The following CACNB4 variants were observed in gnomAD, a reference collection of about 807,000 sequenced individuals.
CACNB4 encodes the protein calcium voltage-gated channel auxiliary subunit beta 4.
CACNB4 carries 32 observed loss-of-function variants against 71.2 expected under a neutral mutation model. That is an observed-to-expected ratio of 0.45 (90% confidence interval 0.34 to 0.60). CACNB4 has a LOEUF of 0.60. Ranked by LOEUF, CACNB4 falls within the 20% of genes least tolerant of loss-of-function variation. CACNB4 has a pLI of 0.01. For missense variants in CACNB4, 464 were observed against 647.9 expected, an observed-to-expected ratio of 0.72 and a Z score of 3.08; for synonymous variants, 231 against 236.9, an observed-to-expected ratio of 0.97 and a Z score of 0.23.
intron 2 of CACNB4, among the ~76,000 whole-genome samples, chr2:151,950,058 A>T (rs1416491104): frequency 1.3e-5 from 2 of 151,988 alleles, no homozygotes; most frequent in African/African-American, 2.4e-5. Flanking sequence ...AATAAATAAA[A>T]AATAAAATAA....
At position 152,098,460 on chromosome 2, in the gene CACNB4, G is replaced by T. The variant is rs1358531143; in HGVS notation, c.64-47C>A. The T allele has an allele frequency of 6.5e-7, 1 of 1,542,476 alleles. No individual in the cohort carries two copies. Among genetic ancestry groups the T allele is most frequent in the African/African-American group, 1.4e-5 (1 of 73,650 alleles). On this transcript the variant is annotated intron_variant, in intron 1 of 13. Transcript: ENST00000539935. This position sits in a 1 kb window ranked among gnomAD's most constrained non-coding sequence, Gnocchi z 5.3. ...CAGAGAGAAGCCGGTGAGGACCGCA[G>T]CGCAGAGCGGGGCGACCACCCCCGG...
At position 151,834,674 on chromosome 2, in the gene CACNB4, T is replaced by C. The variant is rs2099834505; in HGVS notation, c.*4445A>G. The C allele has an allele frequency of 6.6e-6, 1 of 152,002 alleles. No individual in the cohort carries two copies. Among genetic ancestry groups the C allele is most frequent in the South Asian group, 2.1e-4 (1 of 4,838 alleles). The allele number at this position is 152,002 out of a possible 1,614,324, so 9.4% of individuals were successfully genotyped here. A position where few individuals can be genotyped will look rare whatever the true frequency, so the allele number is the denominator to read the frequency against. ...AAGTCAAAAAGAAGGTTATCCTTAT[T>C]GTCTGTCTAACAGCTAATTGGATTG... On this transcript the variant is annotated 3_prime_UTR_variant, in exon 14 of 14. Coordinates refer to ENST00000539935, the MANE Select transcript of CACNB4 (RefSeq NM_000726.5).
At chr2:151,975,423 A>G (rs1177527543) in intron 2 of CACNB4, among the ~76,000 whole-genome samples, 2 of 152,190 alleles carry the variant, frequency 1.3e-5, no homozygotes, top group African/African-American at 4.8e-5. Context: ...TACCTAGTCC[A>G]CTGTCAAATA....
At chr2:151,888,849 A>G (rs10178110) in intron 2 of CACNB4, among the ~76,000 whole-genome samples, 33,850 of 152,142 alleles carry the variant, frequency 0.22, 3,998 homozygotes, top group Middle Eastern at 0.39. Flanking sequence ...CATAGTGTAC[A>G]AGAGTAATGC....
In CACNB4 at chr2:151,834,174, G is replaced by C. The variant is rs1376935382; in HGVS notation, c.*4945C>G. 6.6e-6 allele frequency: 1 copy of C among 151,928 alleles called. No homozygotes were observed. Among genetic ancestry groups the C allele is most frequent in the Non-Finnish European group, 1.5e-5 (1 of 67,868 alleles). The allele number at this position is 151,928 out of a possible 1,614,324, so 9.4% of individuals were successfully genotyped here. On this transcript the variant is annotated 3_prime_UTR_variant, in exon 14 of 14. Coordinates refer to ENST00000539935, the MANE Select transcript of CACNB4 (RefSeq NM_000726.5). ...ACTTATCAGGTATTGAAAAGCTAGA[G>C]GCCAGCCACTTCTGGTTCTTAGTTC...
intron 2 of CACNB4, among the ~76,000 whole-genome samples, chr2:151,896,170 T>C (rs1267180989): frequency 6.6e-6 from 1 of 152,196 alleles, no homozygotes; most frequent in Non-Finnish European, 1.5e-5. Context: ...AAAAAGAATA[T>C]TTCCTGTGAG....
chr2:152,073,374 T>C (rs1275215041), intron 2 of CACNB4, among the ~76,000 whole-genome samples: 1 of 152,144 alleles, frequency 6.6e-6, no homozygotes, highest in Non-Finnish European at 1.5e-5. Context: ...CCAAATTCAA[T>C]ATACCTAGAA....
At chr2:151,870,189 C>A in intron 8 of CACNB4, 2 of 679,832 alleles carry the variant, frequency 2.9e-6, no homozygotes, top group South Asian at 3.2e-5. Context: ...TTGTGCTGTT[C>A]ATTCTCTATT....
rs868758158 is a variant in CACNB4, at chr2:151,947,561, T to A, written c.148-64191A>T. On this transcript the variant is annotated intron_variant, in intron 2 of 13. Coordinates refer to ENST00000539935, the MANE Select transcript of CACNB4 (RefSeq NM_000726.5). ...AGTAACTTCAGAAACAGGTCCCAAG[T>A]GGCCTGAGAATGTCTATGCACTTTT... Among the ~76,000 whole-genome samples the A allele has an allele frequency of 3.9e-5, 6 of 152,308 alleles. No homozygotes were observed. The South Asian group carries it at 1.2e-3, about 32-fold the overall frequency.
At chr2:151,951,410 C>A (rs939253397) in intron 2 of CACNB4, among the ~76,000 whole-genome samples, 1 of 152,104 alleles carries the variant, frequency 6.6e-6, no homozygotes, top group East Asian at 1.9e-4. Context: ...GGAAGCCCTC[C>A]AGAGCCAGCA....
At chr2:151,989,474 T>G (rs748999303) in intron 2 of CACNB4, among the ~76,000 whole-genome samples, 1 of 152,212 alleles carries the variant, frequency 6.6e-6, no homozygotes. Flanking sequence ...ACTATTGACC[T>G]TTCTCCCGTT....
chr2:152,014,041 G>A (rs1295843624), intron 2 of CACNB4, among the ~76,000 whole-genome samples: 1 of 152,154 alleles, frequency 6.6e-6, no homozygotes, highest in Non-Finnish European at 1.5e-5. Context: ...AACACTCCAT[G>A]GTCCAAAAGA....
At chr2:152,032,261 C>A (rs563691165) in intron 2 of CACNB4, among the ~76,000 whole-genome samples, 75 of 152,194 alleles carry the variant, frequency 4.9e-4, no homozygotes, top group Non-Finnish European at 9.4e-4. Context: ...AAGAAATTGG[C>A]CTGAGAAGGG....
At chr2:152,095,893 T>G (rs1387149024) in intron 2 of CACNB4, among the ~76,000 whole-genome samples, 2 of 152,156 alleles carry the variant, frequency 1.3e-5, no homozygotes, top group Non-Finnish European at 2.9e-5. Context: ...CCTCAAGTGA[T>G]CCGCCCACCT....
At chr2:151,895,086 T>A in intron 2 of CACNB4, among the ~76,000 whole-genome samples, 1 of 134,404 alleles carries the variant, frequency 7.4e-6, no homozygotes, top group African/African-American at 3.1e-5. Context: ...GAACCAGAAC[T>A]CAAATAGCCC....
chr2:151,895,099 CACACACACACACACA>C (rs2099851702), intron 2 of CACNB4, among the ~76,000 whole-genome samples: 5 of 19,158 alleles, frequency 2.6e-4, no homozygotes, highest in Admixed American at 5.6e-4. Context: ...AATAGCCCCA[CACACACACACACACA>C]CACACACACA....
At chr2:152,045,566 T>C (rs1398599318) in intron 2 of CACNB4, among the ~76,000 whole-genome samples, 1 of 152,102 alleles carries the variant, frequency 6.6e-6, no homozygotes, top group Non-Finnish European at 1.5e-5. Flanking sequence ...CCATTGAATG[T>C]ATACTTAAAA....
At chr2:151,979,291 C>T (rs1201965601) in intron 2 of CACNB4, among the ~76,000 whole-genome samples, 1 of 152,134 alleles carries the variant, frequency 6.6e-6, no homozygotes. Context: ...CTCCCCTCCT[C>T]CCTGCCATTC....
chr2:152,096,266 G>C (rs1454858421), intron 2 of CACNB4, among the ~76,000 whole-genome samples: 1 of 151,966 alleles, frequency 6.6e-6, no homozygotes, highest in East Asian at 2.0e-4. Flanking sequence ...GGCAGATCAC[G>C]AGGTCAGGAG....
Sources: allele counts gnomAD v4.1 joint callset (sites outside exome capture counted in the v4.1 genomes callset), GRCh38; gene constraint gnomAD v4.1.1; non-coding constraint Gnocchi (gnomAD v3.1); transcripts MANE v1.5; gene names NCBI Gene and HGNC (gene_info 2026-07-23, HGNC 2026-07-21).